The following APBB2 variants were observed in gnomAD, a reference collection of about 807,000 sequenced individuals.
The protein encoded by APBB2 is Fe65-like 1.
A neutral mutation model predicts 82.5 loss-of-function variants in APBB2; 38 were observed. The observed-to-expected ratio is 0.46, with a 90% CI of 0.36 to 0.60. The LOEUF is 0.60. APBB2 is among the 20% of genes least tolerant of loss of function. The pLI is 0.00. For missense variants in APBB2, 772 were observed against 972.3 expected, an observed-to-expected ratio of 0.79 and a Z score of 2.74; for synonymous variants, 341 against 368.2, an observed-to-expected ratio of 0.93 and a Z score of 0.85.
chr4:41,210,142 C>T lies in APBB2; in HGVS notation c.-417+4263G>A, dbSNP rs554157268. On this transcript the variant is annotated intron_variant, in intron 1 of 17. Coordinates refer to ENST00000508593, the MANE Select transcript of APBB2 (RefSeq NM_004307.2). ...TAAAGGTCACTTGCCCGCCGCTCAC[C>T]TCCTGCTCTATGGCCCGGTTCCTAA... is the stretch of plus-strand genomic sequence containing the variant. Among the ~76,000 whole-genome samples the T allele has an allele frequency of 1.1e-4, 16 of 152,334 alleles. No individual in the cohort carries two copies. In the South Asian group the frequency reaches 2.1e-3, roughly 20 times the overall value.
chr4:40,956,121 CTCTT>C (rs1433682323), intron 6 of APBB2, among the ~76,000 whole-genome samples: 2 of 152,146 alleles, frequency 1.3e-5, no homozygotes, highest in Non-Finnish European at 2.9e-5. Context: ...TTTTGCCTCT[CTCTT>C]TTTTTCTCTC....
chr4:40,931,745 A>T (rs1164271083), intron 10 of APBB2, among the ~76,000 whole-genome samples: 1 of 150,832 alleles, frequency 6.6e-6, no homozygotes, highest in African/African-American at 2.4e-5. Flanking sequence ...CTTACTCTCT[A>T]TATTATTCCA....
Position 41,033,279 on chromosome 4 carries a change from G to T in APBB2, c.-25C>A. The T allele has an allele frequency of 6.3e-7, 1 of 1,597,992 alleles. No homozygotes were observed. Among genetic ancestry groups the T allele is most frequent in the African/African-American group, 1.3e-5 (1 of 74,370 alleles). ...TGGATCACCAGGCGTCAGCAATGGT[G>T]CAGGAAATAGGTTATAATTTGAAAT... is the stretch of plus-strand genomic sequence containing the variant. On this transcript the variant is annotated 5_prime_UTR_variant, in exon 5 of 18. Transcript: ENST00000508593.
intron 12 of APBB2, among the ~76,000 whole-genome samples, chr4:40,835,647 G>A (rs141623075): frequency 1.5e-3 from 221 of 152,342 alleles, no homozygotes; most frequent in African/African-American, 5.1e-3. Context: ...ACAGTGCCTT[G>A]TGTCTTGCCA....
intron 12 of APBB2, among the ~76,000 whole-genome samples, chr4:40,877,087 G>T (rs1440326862): frequency 6.6e-6 from 1 of 152,274 alleles, no homozygotes; most frequent in East Asian, 1.9e-4. Context: ...TAACCACAGT[G>T]GCTCAGCATA....
intron 6 of APBB2, among the ~76,000 whole-genome samples, chr4:40,946,196 C>T (rs1037619846): frequency 2.2e-5 from 3 of 136,556 alleles, no homozygotes; most frequent in South Asian, 2.4e-4. Context: ...CACACCGTTG[C>T]GCTCCAGCCT....
At chr4:40,935,811 G>A (rs993463531) in intron 7 of APBB2, among the ~76,000 whole-genome samples, 1 of 151,490 alleles carries the variant, frequency 6.6e-6, no homozygotes, top group African/African-American at 2.4e-5. Flanking sequence ...ACTTGATCAT[G>A]AAATGATTTT....
At chr4:41,022,647 T>A (rs1056112397) in intron 5 of APBB2, among the ~76,000 whole-genome samples, 1 of 152,236 alleles carries the variant, frequency 6.6e-6, no homozygotes, top group Non-Finnish European at 1.5e-5. Context: ...TTAACCTGTT[T>A]GAGTTTCCCA....
At chr4:40,961,388 G>T (rs372165616) in intron 6 of APBB2, among the ~76,000 whole-genome samples, 13 of 149,006 alleles carry the variant, frequency 8.7e-5, no homozygotes, top group East Asian at 8.0e-4. Context: ...GTAAACTATC[G>T]CAAGAACAAA....
intron 1 of APBB2, among the ~76,000 whole-genome samples, chr4:41,162,476 T>C (rs1765426339): frequency 1.3e-5 from 2 of 152,192 alleles, no homozygotes; most frequent in African/African-American, 2.4e-5. Flanking sequence ...ATAAAGGAAG[T>C]GAGCTTAGAC....
At chr4:41,191,262 C>A (rs1166367192) in intron 1 of APBB2, among the ~76,000 whole-genome samples, 1 of 152,200 alleles carries the variant, frequency 6.6e-6, no homozygotes, top group Non-Finnish European at 1.5e-5. Context: ...TTCTCTCCCC[C>A]TTATTAATGC....
intron 6 of APBB2, among the ~76,000 whole-genome samples, chr4:40,973,942 C>T (rs1360031766): frequency 1.3e-5 from 2 of 151,974 alleles, no homozygotes; most frequent in Non-Finnish European, 2.9e-5. Flanking sequence ...ACCTCCGCCC[C>T]CCAAGTTCAA....
chr4:40,925,413 G>T (rs745336657), intron 10 of APBB2, among the ~76,000 whole-genome samples: 3 of 152,188 alleles, frequency 2.0e-5, no homozygotes, highest in Non-Finnish European at 2.9e-5. Context: ...GAGGGGGTAG[G>T]TAACTTGCCC....
At chr4:41,159,966 GAAGAAGAAGAAGAAGA>G (rs1764584519) in intron 1 of APBB2, among the ~76,000 whole-genome samples, 5 of 87,130 alleles carry the variant, frequency 5.7e-5, no homozygotes, top group African/African-American at 1.8e-4. Flanking sequence ...AGAAGGAGAA[GAAGAAGAAGAAGAAGA>G]AGAAGAAGAA....
chr4:40,895,257 AGAG>A (rs1219682652), intron 10 of APBB2, among the ~76,000 whole-genome samples: 5 of 152,354 alleles, frequency 3.3e-5, no homozygotes, highest in South Asian at 4.1e-4. Flanking sequence ...CTCACGTCCC[AGAG>A]GAGAAGTGTG....
intron 12 of APBB2, among the ~76,000 whole-genome samples, chr4:40,863,746 A>T (rs1763352433): frequency 1.3e-5 from 2 of 151,970 alleles, no homozygotes; most frequent in South Asian, 4.2e-4. Context: ...TGCAAAAATT[A>T]GCCGGTTGTG....
intron 2 of APBB2, among the ~76,000 whole-genome samples, chr4:41,128,995 C>G (rs1463619793): frequency 6.6e-6 from 1 of 152,154 alleles, no homozygotes; most frequent in Non-Finnish European, 1.5e-5. Context: ...GAAGACTCTA[C>G]TTCCTACTCC....
chr4:41,077,649 G>A (rs1411617983), intron 3 of APBB2, among the ~76,000 whole-genome samples: 1 of 152,054 alleles, frequency 6.6e-6, no homozygotes, highest in African/African-American at 2.4e-5. Flanking sequence ...CATATGTAAG[G>A]GAAGACCAAA....
chr4:41,129,371 C>A (rs551607170), intron 2 of APBB2, among the ~76,000 whole-genome samples: 2 of 152,266 alleles, frequency 1.3e-5, no homozygotes, highest in South Asian at 4.2e-4. Flanking sequence ...ACATTCCTGC[C>A]TCCATGTCCC....
Sources: allele counts gnomAD v4.1 joint callset (sites outside exome capture counted in the v4.1 genomes callset), GRCh38; gene constraint gnomAD v4.1.1; transcripts MANE v1.5; gene names NCBI Gene and HGNC (gene_info 2026-07-23, HGNC 2026-07-21).